SPECC1L: variants seen among roughly 807,000 people sequenced by gnomAD.
The protein encoded by SPECC1L is cytospin-A.
SPECC1L carries 40 observed loss-of-function variants against 116.8 expected under a neutral mutation model. The observed-to-expected ratio is 0.34, with a 90% confidence interval of 0.27 to 0.45. The LOEUF (loss-of-function observed/expected upper bound fraction) is 0.45. Ranked by LOEUF, SPECC1L falls within the 20% of genes least tolerant of loss-of-function variation. The pLI is 1.00. For synonymous variants in SPECC1L, 504 were observed against 500.6 expected (o/e 1.01, Z -0.09); for missense variants, 1,110 against 1,373.6 (o/e 0.81, Z 3.03).
intron 10 of SPECC1L, among the ~76,000 whole-genome samples, chr22:24,342,745 A>G (rs2041204002): frequency 6.6e-6 from 1 of 152,066 alleles, no homozygotes; most frequent in African/African-American, 2.4e-5. Context: ...ATCTGTCCAT[A>G]ATGAGTAACA....
chr22:24,299,031 C>T (rs1342739590), intron 2 of SPECC1L, among the ~76,000 whole-genome samples: 6 of 152,182 alleles, frequency 3.9e-5, no homozygotes, highest in Admixed American at 6.5e-5. Flanking sequence ...GCCAAAATGA[C>T]ATACCCAAAT....
At chr22:24,316,952 C>A (rs368816448) in intron 4 of SPECC1L, among the ~76,000 whole-genome samples, 41 of 91,382 alleles carry the variant, frequency 4.5e-4, no homozygotes, top group African/African-American at 6.3e-4. Context: ...CTGGCCGGGC[C>A]GAGGAGCTCC....
intron 10 of SPECC1L, among the ~76,000 whole-genome samples, chr22:24,345,036 T>G (rs1009709161): frequency 1.3e-5 from 2 of 152,152 alleles, no homozygotes; most frequent in African/African-American, 4.8e-5. Flanking sequence ...ATTAAGTTCA[T>G]ATGGAAATGC....
chr22:24,317,940 C>T (rs1336347183), intron 4 of SPECC1L, among the ~76,000 whole-genome samples: 17 of 151,444 alleles, frequency 1.1e-4, no homozygotes, highest in African/African-American at 3.6e-4. Context: ...CGGGCAGAGA[C>T]GCTCCTCACT....
chr22:24,321,778 G>A lies in SPECC1L; in HGVS notation c.798G>A (p.Met266Ile), dbSNP rs2040728020. The A allele has an allele frequency of 6.2e-7, 1 of 1,614,226 alleles. No homozygotes were observed. The highest frequency in any genetic ancestry group is 8.5e-7 in the Non-Finnish European group (1 of 1,180,042). The change falls in exon 5 of 17, where the codon ATG becomes ATA. Residue 266 changes from methionine (M) to isoleucine (I), a missense_variant. Met to Ile is a conservative substitution (Grantham distance 10). This residue lies in a region of SPECC1L where 437 missense variants were observed against 482.6 expected (regional missense o/e 0.91). Transcript: ENST00000314328. ...ELNQLKNENRMLKDRLNALGF... is the reference protein window; with the variant it reads ...ELNQLKNENRILKDRLNALGF... ...ACCAGCTGAAAAATGAAAACAGAAT[G>A]TTAAAGGACAGGTTGAATGCATTGG... is the stretch of plus-strand genomic sequence containing the variant.
chr22:24,333,711 A>C (rs1047802117), intron 8 of SPECC1L, among the ~76,000 whole-genome samples: 7 of 152,024 alleles, frequency 4.6e-5, no homozygotes. Flanking sequence ...AATATTATAT[A>C]GTTATCAGGT....
At chr22:24,287,085 A>G (rs144019851) in intron 2 of SPECC1L, among the ~76,000 whole-genome samples, 1 of 152,206 alleles carries the variant, frequency 6.6e-6, no homozygotes, top group Non-Finnish European at 1.5e-5. Flanking sequence ...GGTATCACTA[A>G]GGACACGGCA....
At chr22:24,372,798 T>TA (rs1422644580) in intron 14 of SPECC1L, among the ~76,000 whole-genome samples, 1 of 151,864 alleles carries the variant, frequency 6.6e-6, no homozygotes, top group Non-Finnish European at 1.5e-5. Context: ...GAGAAAGAAA[T>TA]AAAGAGTATT....
At chr22:24,355,251 C>T (rs1230442288) in intron 11 of SPECC1L, among the ~76,000 whole-genome samples, 1 of 141,582 alleles carries the variant, frequency 7.1e-6, no homozygotes, top group Non-Finnish European at 1.5e-5. Flanking sequence ...CCACTGCACT[C>T]CAGCTTGGCA....
At chr22:24,377,334 G>T (rs565081757) in intron 14 of SPECC1L, among the ~76,000 whole-genome samples, 4 of 152,078 alleles carry the variant, frequency 2.6e-5, no homozygotes, top group African/African-American at 9.6e-5. Context: ...TCGACATGAG[G>T]TCTCACTATG....
At chr22:24,340,139 C>CTTT in intron 10 of SPECC1L, among the ~76,000 whole-genome samples, 1 of 137,500 alleles carries the variant, frequency 7.3e-6, no homozygotes, top group African/African-American at 3.0e-5. Flanking sequence ...AATTTAATGA[C>CTTT]CTTTTTTTTT....
intron 3 of SPECC1L, among the ~76,000 whole-genome samples, chr22:24,312,680 T>A (rs1482926794): frequency 6.6e-6 from 1 of 152,200 alleles, no homozygotes; most frequent in African/African-American, 2.4e-5. Flanking sequence ...TCATGTTTTT[T>A]AAATTGCCTT....
At chr22:24,337,503 G>C (rs979418428) in intron 9 of SPECC1L, among the ~76,000 whole-genome samples, 1 of 152,092 alleles carries the variant, frequency 6.6e-6, no homozygotes, top group African/African-American at 2.4e-5. Flanking sequence ...CTAGGTAGAG[G>C]TGATGGTTGC....
intron 10 of SPECC1L, among the ~76,000 whole-genome samples, chr22:24,346,437 A>C (rs1224481986): frequency 6.6e-6 from 1 of 152,250 alleles, no homozygotes; most frequent in Admixed American, 6.5e-5. Flanking sequence ...AGCGGGTGGC[A>C]GAATTGAGAT....
At chr22:24,370,931 A>AGGG (rs2041859429) in intron 14 of SPECC1L, among the ~76,000 whole-genome samples, 3 of 152,004 alleles carry the variant, frequency 2.0e-5, no homozygotes, top group Admixed American at 1.3e-4. Context: ...GGAGGGAAAA[A>AGGG]AGAAAGGGGG....
intron 14 of SPECC1L, among the ~76,000 whole-genome samples, chr22:24,398,784 C>G (rs776821339): frequency 6.6e-6 from 1 of 152,114 alleles, no homozygotes; most frequent in Non-Finnish European, 1.5e-5. Flanking sequence ...CAATCCAGTT[C>G]CCCTAAAGAG....
rs1417822367 is a variant in SPECC1L at position 24,414,820 on chromosome 22, C to T, written c.*197C>T. 1.6e-6 allele frequency: 1 copy of T among 609,182 alleles called. No homozygotes were observed. Among genetic ancestry groups the T allele is most frequent in the Non-Finnish European group, 3.0e-6 (1 of 335,866 alleles). 37.7% of individuals were successfully genotyped at this position (609,182 alleles called of 1,614,324 possible). A position where few individuals can be genotyped will look rare whatever the true frequency, so the allele number is the denominator to read the frequency against. On this transcript the variant is annotated 3_prime_UTR_variant, in exon 17 of 17. Coordinates refer to ENST00000314328, the MANE Select transcript of SPECC1L (RefSeq NM_015330.6). ...CCACAGCTCCCACCAGGGCCCCTCC[C>T]ACATGACCCGTCCATTCAGGTCATG...
chr22:24,345,052 C>T (rs1201010858), intron 10 of SPECC1L, among the ~76,000 whole-genome samples: 7 of 151,994 alleles, frequency 4.6e-5, no homozygotes, highest in Non-Finnish European at 1.0e-4. Flanking sequence ...AATGCAAGAT[C>T]CCTGAATATT....
At chr22:24,376,969 A>G (rs1357838144) in intron 14 of SPECC1L, among the ~76,000 whole-genome samples, 1 of 151,792 alleles carries the variant, frequency 6.6e-6, no homozygotes, top group Non-Finnish European at 1.5e-5. Flanking sequence ...GTTTTAGGCT[A>G]TTTTTACCAC....
Sources: allele counts gnomAD v4.1 joint callset (sites outside exome capture counted in the v4.1 genomes callset), GRCh38; gene constraint gnomAD v4.1.1; regional missense constraint gnomAD v4.1.1; transcripts MANE v1.5; gene names NCBI Gene and HGNC (gene_info 2026-07-23, HGNC 2026-07-21).